Variants in DOCK10 observed in about 807,000 individuals in gnomAD.
DOCK10 encodes the protein dedicator of cytokinesis protein 10.
In DOCK10, 145 loss-of-function variants were observed where a neutral mutation model predicts 280.1. That is an observed-to-expected ratio of 0.52 (90% CI 0.45 to 0.59). The LOEUF (loss-of-function observed/expected upper bound fraction) is 0.59, where lower values mean the gene tolerates loss of function less well. DOCK10 is among the 20% of genes least tolerant of loss of function. The pLI, the probability that DOCK10 is intolerant of heterozygous loss-of-function variation, is 0.00. For missense variants in DOCK10, 2,368 were observed against 2,651.7 expected (o/e 0.89, Z 2.35); for synonymous variants, 915 against 942.2 (o/e 0.97, Z 0.53).
At chr2:224,912,553 T>A (rs1575045872) in intron 3 of DOCK10, among the ~76,000 whole-genome samples, 1 of 152,190 alleles carries the variant, frequency 6.6e-6, no homozygotes, top group East Asian at 1.9e-4. Flanking sequence ...AATCAATCTC[T>A]CCCCTCCCAC....
chr2:224,834,150 C>A lies in DOCK10; in HGVS notation c.2964G>T (p.Lys988Asn). Residue 988 changes from lysine to asparagine, a missense_variant and splice_region_variant, in exon 26 of 56, where the codon AAG becomes AAT. Lys to Asn is a moderately conservative substitution (Grantham distance 94, BLOSUM62 0). This residue lies in a region of DOCK10 where 1,209 missense variants were observed against 1,250.9 expected (regional missense o/e 0.97). Coordinates refer to ENST00000258390, the MANE Select transcript of DOCK10 (RefSeq NM_014689.3). Reference sequence around the variant, plus strand: ...TAAAGGACCATCTTTAAATTCTTACCTTTAGGACATGCTTTACTGTTGTTG... The same window carrying A: ...TAAAGGACCATCTTTAAATTCTTACATTTAGGACATGCTTTACTGTTGTTG... ...NDSTTVKHVL[K>N]HSWFFFAIIL... 6.3e-7 allele frequency: 1 copy of A among 1,592,500 alleles called. No homozygotes were observed. Among genetic ancestry groups the A allele is most frequent in the Non-Finnish European group, 8.6e-7 (1 of 1,160,604 alleles).
At chr2:224,982,383 G>A (rs1363044585) in intron 1 of DOCK10, 7 of 1,231,796 alleles carry the variant, frequency 5.7e-6, no homozygotes, top group Non-Finnish European at 7.1e-6. Context: ...GCATCCTGGA[G>A]CCTACAAAAT....
intron 3 of DOCK10, among the ~76,000 whole-genome samples, chr2:224,902,213 C>T (rs920596461): frequency 1.2e-4 from 19 of 152,092 alleles, no homozygotes; most frequent in African/African-American, 3.4e-4. Context: ...TTGTTCATCT[C>T]GTAAAAGGGT....
At chr2:224,798,100 GA>G in intron 41 of DOCK10, 131 bp from the exon 42 acceptor site, 3 of 849,420 alleles carry the variant, frequency 3.5e-6, no homozygotes, top group Non-Finnish European at 5.4e-6. Flanking sequence ...ATTGAACAAG[GA>G]GACACAGTTC....
chr2:224,971,445 GGT>G (rs1705076418), intron 1 of DOCK10, among the ~76,000 whole-genome samples: 1 of 152,102 alleles, frequency 6.6e-6, no homozygotes, highest in African/African-American at 2.4e-5. Flanking sequence ...AAGTGAAAGA[GGT>G]GGGTGTGGCT....
At chr2:224,768,243 A>T (rs1559353106) in intron 55 of DOCK10, among the ~76,000 whole-genome samples, 3 of 151,940 alleles carry the variant, frequency 2.0e-5, no homozygotes, top group Admixed American at 2.0e-4. Context: ...GTTCAATAGA[A>T]TTTTTTTCCT....
At chr2:224,866,858 A>G (rs1263449463) in intron 11 of DOCK10, among the ~76,000 whole-genome samples, 1 of 152,118 alleles carries the variant, frequency 6.6e-6, no homozygotes, top group Non-Finnish European at 1.5e-5. Context: ...TTCTGGGTAT[A>G]TTTTTGGCAA....
intron 2 of DOCK10, among the ~76,000 whole-genome samples, chr2:224,919,420 T>A (rs111163103): frequency 0.29 from 44,004 of 150,956 alleles, 6,957 homozygotes; most frequent in Middle Eastern, 0.35. Context: ...GTGTAGAGTG[T>A]GTCTGCATGT....
intron 55 of DOCK10, among the ~76,000 whole-genome samples, chr2:224,768,353 A>G (rs1040777110): frequency 1.3e-5 from 2 of 152,222 alleles, no homozygotes; most frequent in African/African-American, 2.4e-5. Flanking sequence ...ACAAATCCCC[A>G]TTGAAGTTCA....
rs551822984 is a variant in DOCK10, at chr2:224,823,685, T to A, written c.3037-38A>T. The A allele has an allele frequency of 4.6e-4, 697 of 1,527,372 alleles. 10 individuals carry two copies. In the South Asian group the frequency reaches 8.5e-3, roughly 19 times the overall value. 94.6% of individuals were successfully genotyped at this position (1,527,372 alleles called of 1,614,324 possible). On this transcript the variant is annotated intron_variant, in intron 27 of 55. Transcript: ENST00000258390. Reference sequence around the variant, plus strand: ...CGGATTATATCTTTCTAATGTGGCATGTGAAATATTAAGCCGAGGAAGTAT... The same window carrying A: ...CGGATTATATCTTTCTAATGTGGCAAGTGAAATATTAAGCCGAGGAAGTAT...
At chr2:225,039,428 T>C (rs1690354593) in intron 1 of DOCK10, among the ~76,000 whole-genome samples, 3 of 152,350 alleles carry the variant, frequency 2.0e-5, no homozygotes, top group African/African-American at 7.2e-5. Context: ...TATTTCTCCT[T>C]TTGAAATGTA....
intron 1 of DOCK10, among the ~76,000 whole-genome samples, chr2:225,017,264 T>C (rs1383258494): frequency 6.6e-6 from 1 of 152,078 alleles, no homozygotes; most frequent in African/African-American, 2.4e-5. Flanking sequence ...AGTCCAAAGA[T>C]CAACTAGGGA....
intron 1 of DOCK10, among the ~76,000 whole-genome samples, chr2:225,037,671 T>C (rs899086841): frequency 5.7e-4 from 87 of 152,350 alleles, no homozygotes; most frequent in African/African-American, 2.0e-3. Context: ...TTAAATAGAA[T>C]GCTTGACACT....
At chr2:224,814,436 G>C (rs1488681536) in intron 30 of DOCK10, 72 bp from the exon 31 acceptor site, 3 of 818,082 alleles carry the variant, frequency 3.7e-6, no homozygotes, top group Non-Finnish European at 5.5e-6. Flanking sequence ...TTCATTATGT[G>C]TAGTTTATAC....
At chr2:224,820,635 CAT>C (rs1214579745) in intron 28 of DOCK10, among the ~76,000 whole-genome samples, 1 of 152,216 alleles carries the variant, frequency 6.6e-6, no homozygotes, top group Admixed American at 6.5e-5. Flanking sequence ...CAGGACTACA[CAT>C]AAAATCTTGC....
At chr2:225,023,273 T>C (rs1015931409) in intron 1 of DOCK10, among the ~76,000 whole-genome samples, 3 of 152,122 alleles carry the variant, frequency 2.0e-5, no homozygotes, top group Admixed American at 6.5e-5. Context: ...TGACTTCAGG[T>C]GATCTGCCCA....
At chr2:225,041,638 C>T (rs140686113) in intron 1 of DOCK10, among the ~76,000 whole-genome samples, 1 of 152,350 alleles carries the variant, frequency 6.6e-6, no homozygotes, top group African/African-American at 2.4e-5. Flanking sequence ...ACCCACGTCT[C>T]CTCCAGCCTG....
chr2:224,868,974 C>T (rs567985685), intron 11 of DOCK10, among the ~76,000 whole-genome samples: 2 of 152,196 alleles, frequency 1.3e-5, no homozygotes, highest in East Asian at 3.9e-4. Flanking sequence ...ACTTTGATAA[C>T]CCATCAAAAA....
chr2:224,924,173 T>C (rs1469425286), intron 2 of DOCK10, among the ~76,000 whole-genome samples: 1 of 152,218 alleles, frequency 6.6e-6, no homozygotes, highest in Non-Finnish European at 1.5e-5. Flanking sequence ...ACACATAGAA[T>C]GGCTTTTTAA....
Sources: gnomAD v4.1 joint callset for allele counts (sites outside exome capture counted in the v4.1 genomes callset) on GRCh38, gnomAD v4.1.1 for gene constraint, gnomAD v4.1.1 regional missense constraint, MANE v1.5 for transcripts, NCBI Gene and HGNC (gene_info 2026-07-23, HGNC 2026-07-21) for gene names.